The following SVIL variants were observed in gnomAD, a reference collection of about 807,000 sequenced individuals.
The protein encoded by SVIL is supervillin.
SVIL carries 101 observed loss-of-function variants against 240.4 expected under a neutral mutation model. The ratio of observed to expected loss-of-function variants is 0.42; its 90% CI spans 0.36 to 0.50. The LOEUF (loss-of-function observed/expected upper bound fraction) is 0.50, where lower values mean the gene tolerates loss of function less well. Ranked by LOEUF, SVIL falls within the 20% of genes least tolerant of loss-of-function variation. The pLI is 0.01. For synonymous variants in SVIL, 999 were observed against 1,100.0 expected, an observed-to-expected ratio of 0.91 and a Z score of 1.82; for missense variants, 2,512 against 2,818.7, an observed-to-expected ratio of 0.89 and a Z score of 2.46.
chr10:29,582,151 C>A (rs1955970311), intron 1 of SVIL, among the ~76,000 whole-genome samples: 1 of 152,168 alleles, frequency 6.6e-6, no homozygotes, highest in Non-Finnish European at 1.5e-5. Flanking sequence ...TGGCTGCACA[C>A]TGTGAGCGAA....
At chr10:29,557,190 G>C (rs1331439352) in intron 3 of SVIL, among the ~76,000 whole-genome samples, 1 of 151,866 alleles carries the variant, frequency 6.6e-6, no homozygotes, top group African/African-American at 2.4e-5. Context: ...CAACTTCCCA[G>C]ACTCAAGTGA....
chr10:29,462,278 A>G lies in SVIL; in HGVS notation c.6401T>C (p.Met2134Thr), dbSNP rs1944353237. The G allele has an allele frequency of 6.2e-7, 1 of 1,614,066 alleles. No individual in the cohort carries two copies. The highest frequency in any genetic ancestry group is 8.5e-7 in the Non-Finnish European group (1 of 1,179,994). Residue 2134 changes from methionine (M) to threonine (T), a missense_variant and splice_region_variant, in exon 36 of 38, where the codon ATG becomes ACG. Around this residue, in one of 3 missense-constraint regions of SVIL, gnomAD observed 797 missense variants for 925.3 expected, o/e 0.86. Coordinates refer to ENST00000355867, the MANE Select transcript of SVIL (RefSeq NM_021738.3). ...HREDIAEITE[M>T]DTEVSNQITL... ...CATAGGGCAGGAAAGCGTGCTCACC[A>G]TCTCTGTGATCTCAGCGATGTCCTC...
chr10:29,605,367 C>T, intron 1 of SVIL, among the ~76,000 whole-genome samples: 1 of 152,208 alleles, frequency 6.6e-6, no homozygotes, highest in Non-Finnish European at 1.5e-5. Flanking sequence ...GCCACGGTTC[C>T]CGTCTCCCCC....
intron 2 of SVIL, among the ~76,000 whole-genome samples, chr10:29,679,824 C>T (rs1274269157): frequency 6.6e-6 from 1 of 151,812 alleles, no homozygotes; most frequent in Non-Finnish European, 1.5e-5. Flanking sequence ...CCGAGCTACA[C>T]CATTGCACAG....
rs201984843 is a variant in SVIL, at chr10:29,481,728, T to G, written c.4956A>C (p.Arg1652Ser). ...DPGECNPLIP[R>S]KGQGRPDWAI... Reference sequence around the variant, plus strand: ...CCCAGTCGGGCCGCCCCTGTCCTTTTCTGTAGGGTGGGAGGGGGGTTGGGA... The same window carrying G: ...CCCAGTCGGGCCGCCCCTGTCCTTTGCTGTAGGGTGGGAGGGGGGTTGGGA... Residue 1652 changes from arginine to serine, a missense_variant and splice_region_variant, in exon 28 of 38, where the codon AGA (arginine) becomes AGC (serine). Transcript: ENST00000355867. The G allele has an allele frequency of 6.3e-5, 102 of 1,606,740 alleles. No homozygotes were observed. In the African/African-American group the frequency reaches 1.3e-3, roughly 21 times the overall value.
intron 2 of SVIL, among the ~76,000 whole-genome samples, chr10:29,658,655 C>T (rs2133031640): frequency 6.6e-6 from 1 of 152,038 alleles, no homozygotes; most frequent in East Asian, 1.9e-4. Flanking sequence ...ACATGGGAGG[C>T]CAAGGCAGGA....
upstream of SVIL, among the ~76,000 whole-genome samples, chr10:29,635,722 C>T (rs1344530636): frequency 6.6e-6 from 1 of 152,158 alleles, no homozygotes; most frequent in South Asian, 2.1e-4. Flanking sequence ...AATATCACAA[C>T]CCTGTTTACA....
chr10:29,507,136 T>A (rs1209060827), intron 17 of SVIL, among the ~76,000 whole-genome samples: 2 of 152,064 alleles, frequency 1.3e-5, no homozygotes, highest in African/African-American at 4.8e-5. Context: ...ATAGGGCCAT[T>A]GGAACCAGCT....
chr10:29,673,065 C>T lies in SVIL; in HGVS notation c.-301+13488G>A, dbSNP rs973401394. 1.6e-4 allele frequency among the ~76,000 whole-genome samples: 24 copies of T among 152,126 alleles called. 1 individual carries two copies. Among genetic ancestry groups the T allele is most frequent in the Admixed American group, 3.3e-4 (5 of 15,288 alleles). On this transcript the variant is annotated intron_variant, in intron 2 of 35. Coordinates refer to the SVIL transcript ENST00000375400. ...AGTAGCTGGGATTACAGGCACCCAC[C>T]GCCACACCCAGCTAATTTTTGTATT...
At chr10:29,459,909 G>T (rs1944037271) in intron 36 of SVIL, among the ~76,000 whole-genome samples, 1 of 152,096 alleles carries the variant, frequency 6.6e-6, no homozygotes. Context: ...TGGGCAATAT[G>T]ATGAGACCCT....
intron 17 of SVIL, among the ~76,000 whole-genome samples, chr10:29,502,306 T>G (rs1733806907): frequency 6.6e-6 from 1 of 152,218 alleles, no homozygotes; most frequent in Non-Finnish European, 1.5e-5. Flanking sequence ...CTAAATAATC[T>G]AATAAATATT....
chr10:29,728,874 G>A (rs7069798), intron 1 of SVIL, among the ~76,000 whole-genome samples: 122,013 of 151,958 alleles, frequency 0.8, 49,493 homozygotes, highest in East Asian at 0.95. Flanking sequence ...AGATAAGGAC[G>A]TCCAAGGCAA....
intron 1 of SVIL, among the ~76,000 whole-genome samples, chr10:29,623,094 A>C (rs146668236): frequency 6.6e-6 from 1 of 152,276 alleles, no homozygotes; most frequent in Non-Finnish European, 1.5e-5. Context: ...ATTTTCCCCT[A>C]ATACAATAAG....
chr10:29,644,164 C>T (rs1001996319), intron 3 of SVIL, among the ~76,000 whole-genome samples: 45 of 152,164 alleles, frequency 3.0e-4, no homozygotes, highest in African/African-American at 7.7e-4. Context: ...CATGAGCTGA[C>T]GGTGATGTGA....
At chr10:29,681,218 T>C (rs1031868126) in intron 2 of SVIL, among the ~76,000 whole-genome samples, 4 of 151,850 alleles carry the variant, frequency 2.6e-5, no homozygotes, top group African/African-American at 9.7e-5. Flanking sequence ...GAGAAGAGGA[T>C]GAGCCAAAGA....
chr10:29,624,874 CT>C (rs1648767248), intron 1 of SVIL, among the ~76,000 whole-genome samples: 1 of 152,124 alleles, frequency 6.6e-6, no homozygotes, highest in South Asian at 2.1e-4. Flanking sequence ...TTGTAATTTA[CT>C]TTTAATGAAA....
chr10:29,525,952 A>C (rs1352421805), intron 13 of SVIL, among the ~76,000 whole-genome samples: 2 of 152,112 alleles, frequency 1.3e-5, no homozygotes, highest in Non-Finnish European at 2.9e-5. Context: ...CTTCTCCGGG[A>C]GGGCCCTGCT....
intron 3 of SVIL, among the ~76,000 whole-genome samples, chr10:29,562,654 G>A (rs367636440): frequency 1.3e-5 from 2 of 151,842 alleles, no homozygotes; most frequent in African/African-American, 2.4e-5. Flanking sequence ...CCAGCTATTC[G>A]GGAGGCTGAG....
intron 1 of SVIL, among the ~76,000 whole-genome samples, chr10:29,726,004 C>T (rs1052524895): frequency 2.6e-5 from 4 of 152,184 alleles, no homozygotes; most frequent in Non-Finnish European, 5.9e-5. Flanking sequence ...TCACTACAGC[C>T]TCGACATCAT....
Sources: gnomAD v4.1 joint callset for allele counts (sites outside exome capture counted in the v4.1 genomes callset) on GRCh38, gnomAD v4.1.1 for gene constraint, gnomAD v4.1.1 regional missense constraint, MANE v1.5 for transcripts, NCBI Gene and HGNC (gene_info 2026-07-23, HGNC 2026-07-21) for gene names.